ARFGEF1: variants seen among roughly 807,000 people sequenced by gnomAD.
ARFGEF1 encodes ARF guanine nucleotide exchange factor 1, also known as brefeldin A-inhibited guanine nucleotide-exchange protein 1.
ARFGEF1 carries 42 observed loss-of-function variants against 231.0 expected under a neutral mutation model. The observed-to-expected ratio is 0.18, with a 90% CI of 0.14 to 0.24. ARFGEF1 has a LOEUF of 0.24. Among genes scored for constraint, ARFGEF1 ranks in the 10% least tolerant of loss-of-function variants. The pLI, the probability that ARFGEF1 is intolerant of heterozygous loss-of-function variation, is 1.00. For missense variants in ARFGEF1, 1,345 were observed against 2,192.0 expected, an observed-to-expected ratio of 0.61 and a Z score of 7.72; for synonymous variants, 710 against 732.3, an observed-to-expected ratio of 0.97 and a Z score of 0.49.
At chr8:67,302,335 G>T in intron 2 of ARFGEF1, 101 bp downstream of exon 2, 1 of 722,464 alleles carries the variant, frequency 1.4e-6, no homozygotes, top group Non-Finnish European at 2.1e-6. Context: ...AAACTCACAT[G>T]CAGAGAATTT....
chr8:67,189,240 T>C (rs919418208), intron 5 of ARFGEF1, among the ~76,000 whole-genome samples: 7 of 152,248 alleles, frequency 4.6e-5, no homozygotes, highest in Non-Finnish European at 1.0e-4. Context: ...ATTCTTACCA[T>C]ACAGTTCAGC....
intron 34 of ARFGEF1, chr8:67,207,273 T>C (rs1242645600): frequency 1.3e-5 from 2 of 152,194 alleles, no homozygotes; most frequent in African/African-American, 4.8e-5. Flanking sequence ...TAGCAGTAGA[T>C]GGAGGTCTTA....
intron 34 of ARFGEF1, among the ~76,000 whole-genome samples, chr8:67,210,698 G>C (rs1421550637): frequency 6.6e-6 from 1 of 152,154 alleles, no homozygotes; most frequent in Non-Finnish European, 1.5e-5. Context: ...CAGAGTTCTT[G>C]ACCTTCTGCA....
intron 16 of ARFGEF1, 38 bp downstream of exon 16, chr8:67,258,047 T>C: frequency 6.5e-7 from 1 of 1,546,138 alleles, no homozygotes; most frequent in Non-Finnish European, 8.9e-7. Context: ...GTGGTTTGGA[T>C]ATAACAGACA....
intron 22 of ARFGEF1, among the ~76,000 whole-genome samples, chr8:67,235,109 T>TACAC (rs141050540): frequency 2.7e-5 from 4 of 147,188 alleles, no homozygotes; most frequent in Non-Finnish European, 6.0e-5. Flanking sequence ...TGTATATATA[T>TACAC]ACACACACAC....
intron 1 of ARFGEF1, among the ~76,000 whole-genome samples, chr8:67,332,503 T>C (rs550561381): frequency 6.6e-6 from 1 of 152,314 alleles, no homozygotes; most frequent in African/African-American, 2.4e-5. Flanking sequence ...TTTGCCTGAC[T>C]TCTTAAGCAG....
At chr8:67,304,471 CA>C (rs1412241552) in intron 1 of ARFGEF1, among the ~76,000 whole-genome samples, 11 of 152,210 alleles carry the variant, frequency 7.2e-5, no homozygotes, top group African/African-American at 2.7e-4. Context: ...ATCTGTATAT[CA>C]GTTACTAAAA....
At chr8:67,282,842 C>A (rs560678231) in intron 7 of ARFGEF1, among the ~76,000 whole-genome samples, 2 of 126,376 alleles carry the variant, frequency 1.6e-5, no homozygotes, top group East Asian at 2.4e-4. Context: ...AGCAAGACTT[C>A]ATCTCAAAAA....
chr8:67,266,999 A>C lies in ARFGEF1; in HGVS notation c.1813-15T>G, dbSNP rs1421074610. The C allele has an allele frequency of 6.2e-7, 1 of 1,609,280 alleles. No homozygotes were observed. Among genetic ancestry groups the C allele is most frequent in the African/African-American group, 1.3e-5 (1 of 74,550 alleles). The stretch of plus-strand genomic sequence containing the variant: ...AGGCTCAATTCCTACAAAGTAATTC[A>C]AAAACAAAATTTTTTTTAAAGGTCT... On this transcript the variant is annotated splice_polypyrimidine_tract_variant and intron_variant, in intron 12 of 38. Transcript: ENST00000262215.
chr8:67,294,468 A>G (rs1405912648), intron 5 of ARFGEF1, among the ~76,000 whole-genome samples: 3 of 151,910 alleles, frequency 2.0e-5, no homozygotes, highest in Non-Finnish European at 2.9e-5. Flanking sequence ...CTAAAGACAA[A>G]AAAACCTGAA....
downstream of ARFGEF1, among the ~76,000 whole-genome samples, chr8:67,194,326 T>G (rs1012386065): frequency 6.6e-6 from 1 of 152,242 alleles, no homozygotes; most frequent in African/African-American, 2.4e-5. Context: ...GTTAAGATTT[T>G]TTTAGATCCT....
intron 15 of ARFGEF1, 41 bp downstream of exon 15, chr8:67,259,774 G>A: frequency 6.9e-7 from 1 of 1,444,158 alleles, no homozygotes. Context: ...AAAATCCCAA[G>A]AATTTTACAG....
intron 3 of ARFGEF1, among the ~76,000 whole-genome samples, chr8:67,300,780 G>A (rs932611781): frequency 6.6e-6 from 1 of 151,426 alleles, no homozygotes; most frequent in Non-Finnish European, 1.5e-5. Flanking sequence ...GGGGGCAGAG[G>A]TCACAGTGAG....
chr8:67,278,871 C>T (rs1301234251), intron 7 of ARFGEF1, among the ~76,000 whole-genome samples: 1 of 152,146 alleles, frequency 6.6e-6, no homozygotes, highest in African/African-American at 2.4e-5. Flanking sequence ...AAAACTGTTA[C>T]ACTGAAAACA....
chr8:67,247,095 C>T (rs1324186364), intron 19 of ARFGEF1, among the ~76,000 whole-genome samples: 1 of 150,064 alleles, frequency 6.7e-6, no homozygotes, highest in Non-Finnish European at 1.5e-5. Context: ...AGATCAAAGC[C>T]ATAACAAAAA....
rs188148000 is a variant in ARFGEF1, at chr8:67,192,326, C to T, written c.560+8070G>A. Among the ~76,000 whole-genome samples the T allele has an allele frequency of 3.1e-3, 468 of 152,262 alleles. 13 individuals are homozygous for T. Among genetic ancestry groups the T allele is most frequent in the Admixed American group, 0.027 (417 of 15,290 alleles). ...CTAACCTCGGGTGATCCACCTGCCTCGGCCTCCCAGAGTGCTAGGATTACA... is the reference window on the plus strand; with the variant it reads ...CTAACCTCGGGTGATCCACCTGCCTTGGCCTCCCAGAGTGCTAGGATTACA... On this transcript the variant is annotated intron_variant, in intron 5 of 5. Transcript: ENST00000518789.
At chr8:67,329,276 G>T (rs986947912) in intron 1 of ARFGEF1, among the ~76,000 whole-genome samples, 1 of 151,680 alleles carries the variant, frequency 6.6e-6, no homozygotes, top group Admixed American at 6.6e-5. Context: ...ATTTAGGCCG[G>T]GCACAGTGGC....
rs1216397684 is a variant in ARFGEF1, at chr8:67,271,879, C to T, written c.1395G>A (p.Gln465=). The T allele has an allele frequency of 1.2e-6, 2 of 1,613,622 alleles. No individual in the cohort carries two copies. The highest frequency in any genetic ancestry group is 1.7e-6 in the Non-Finnish European group (2 of 1,179,802). ...TTGTCCTGAAAATAGGTCCTGCATT[C>T]TGCAGAATGGATAGAAGTAACTGCA... ...LSLQLLLSIL[Q]NAGPIFRTNE... is the part of the protein sequence containing the mutation. The change falls in exon 10 of 39, where the codon CAG becomes CAA. Residue 465 remains glutamine (Q), a synonymous_variant. Coordinates refer to ENST00000262215, the MANE Select transcript of ARFGEF1 (RefSeq NM_006421.5).
At chr8:67,206,451 T>G (rs906481786) in intron 34 of ARFGEF1, among the ~76,000 whole-genome samples, 8 of 150,152 alleles carry the variant, frequency 5.3e-5, no homozygotes, top group Admixed American at 5.3e-4. Context: ...CTGAACACAT[T>G]ACTTCAAAAG....
Sources: allele counts gnomAD v4.1 joint callset (sites outside exome capture counted in the v4.1 genomes callset), GRCh38; gene constraint gnomAD v4.1.1; transcripts MANE v1.5; gene names NCBI Gene and HGNC (gene_info 2026-07-23, HGNC 2026-07-21).